The following PARD3B variants were observed in gnomAD, a reference collection of about 807,000 sequenced individuals.
The protein encoded by PARD3B is partitioning defective 3 homolog B.
In PARD3B, 103 loss-of-function variants were observed where a neutral mutation model predicts 130.2. That is an observed-to-expected ratio of 0.79 (90% CI 0.67 to 0.93). PARD3B has a LOEUF of 0.93. PARD3B is among the 40% of genes least tolerant of loss of function. The probability of loss-of-function intolerance (pLI) is 0.00; values close to 1 mark genes in which losing one functional copy is unlikely to be tolerated. For synonymous variants in PARD3B, 583 were observed against 553.2 expected, an observed-to-expected ratio of 1.05 and a Z score of -0.76; for missense variants, 1,609 against 1,499.2, an observed-to-expected ratio of 1.07 and a Z score of -1.21.
chr2:204,964,508 G>A (rs1203931359), intron 2 of PARD3B, among the ~76,000 whole-genome samples: 1 of 152,072 alleles, frequency 6.6e-6, no homozygotes, highest in East Asian at 1.9e-4. Flanking sequence ...GAGTCTTATT[G>A]GACTTAGCAT....
Position 205,121,691 on chromosome 2 carries a change from T to C in PARD3B, c.907T>C (p.Ser303Pro). The change falls in exon 8 of 23, where the codon TCT becomes CCT. Residue 303 changes from serine (S) to proline (P), a missense_variant. Physicochemically the swap from Ser to Pro is moderately conservative, Grantham distance 74. Transcript: ENST00000406610. The surrounding 1 kb of genome is among the most constrained non-coding windows in gnomAD (Gnocchi z 5.0). Reference sequence around the variant, plus strand: ...ACAGTATGAAAAGTCAGTCATTGGCTCTCTTAACATTTTTGGTAATAATGA... The same window carrying C: ...ACAGTATGAAAAGTCAGTCATTGGCCCTCTTAACATTTTTGGTAATAATGA... ...REQYEKSVIG[S>P]LNIFGNNDGV... is the part of the protein sequence containing the mutation. 2 of 1,614,138 alleles carry C rather than the reference T, an allele frequency of 1.2e-6. No individual in the cohort carries two copies. Among genetic ancestry groups the C allele is most frequent in the Non-Finnish European group, 1.7e-6 (2 of 1,180,032 alleles).
At chr2:205,372,286 A>G (rs1461971302) in intron 18 of PARD3B, among the ~76,000 whole-genome samples, 1 of 152,196 alleles carries the variant, frequency 6.6e-6, no homozygotes, top group African/African-American at 2.4e-5. Flanking sequence ...CAGGGTATGA[A>G]GGCTCTAATT....
At chr2:205,511,496 A>T (rs1246851987) in intron 21 of PARD3B, among the ~76,000 whole-genome samples, 1 of 152,166 alleles carries the variant, frequency 6.6e-6, no homozygotes, top group African/African-American at 2.4e-5. Context: ...CATGGTTAAA[A>T]CCCCAAATTC....
chr2:204,811,242 C>T (rs930882946), intron 2 of PARD3B, among the ~76,000 whole-genome samples: 15 of 151,930 alleles, frequency 9.9e-5, no homozygotes, highest in African/African-American at 3.6e-4. Flanking sequence ...TTAATTTTTT[C>T]ATGGAGTTCT....
At chr2:204,721,863 C>T (rs1006240722) in intron 2 of PARD3B, among the ~76,000 whole-genome samples, 5 of 152,008 alleles carry the variant, frequency 3.3e-5, no homozygotes, top group Non-Finnish European at 7.4e-5. Context: ...CATTTCTTGA[C>T]CACTTTTAAC....
intron 4 of PARD3B, among the ~76,000 whole-genome samples, chr2:205,082,018 G>T (rs776473030): frequency 1.5e-4 from 23 of 152,002 alleles, no homozygotes; most frequent in Non-Finnish European, 2.9e-4. Context: ...TTGTTTCAAG[G>T]TTTATAAATA....
chr2:204,648,160 A>G (rs1443019740), intron 1 of PARD3B, among the ~76,000 whole-genome samples: 1 of 151,704 alleles, frequency 6.6e-6, no homozygotes, highest in East Asian at 1.9e-4. Context: ...CAGTTTTGGA[A>G]TTACATTCAT....
chr2:205,195,140 T>G (rs1408250517), intron 15 of PARD3B, among the ~76,000 whole-genome samples: 1 of 152,112 alleles, frequency 6.6e-6, no homozygotes, highest in Admixed American at 6.6e-5. Context: ...TTTTTTGAGT[T>G]TTCTCTTCTA....
intron 1 of PARD3B, among the ~76,000 whole-genome samples, chr2:204,639,512 G>T (rs942207200): frequency 6.6e-6 from 1 of 152,184 alleles, no homozygotes; most frequent in Non-Finnish European, 1.5e-5. Context: ...ATGGATGGTT[G>T]TGTCTGTACT....
At chr2:205,559,345 C>T (rs1274040911) in intron 22 of PARD3B, among the ~76,000 whole-genome samples, 1 of 151,884 alleles carries the variant, frequency 6.6e-6, no homozygotes, top group Non-Finnish European at 1.5e-5. Context: ...AAGGTTTTGC[C>T]AAGTTGCCCA....
At chr2:205,207,400 A>G (rs1342300738) in intron 15 of PARD3B, among the ~76,000 whole-genome samples, 1 of 148,598 alleles carries the variant, frequency 6.7e-6, no homozygotes, top group African/African-American at 2.6e-5. Context: ...AGACACAAAA[A>G]ACCCTTCAAA....
At chr2:205,484,596 G>A (rs1263887191) in intron 20 of PARD3B, among the ~76,000 whole-genome samples, 2 of 152,094 alleles carry the variant, frequency 1.3e-5, no homozygotes, top group South Asian at 2.1e-4. Flanking sequence ...TCCTGTTTCT[G>A]CAGATAATTG....
chr2:205,121,363 G>C lies in PARD3B; in HGVS notation c.807-228G>C, dbSNP rs16836975. On this transcript the variant is annotated intron_variant, in intron 7 of 22. Transcript: ENST00000406610. This position sits in a 1 kb window ranked among gnomAD's most constrained non-coding sequence, Gnocchi z 5.0. ...CTTACCGAATGTGCTTTCTAAATTA[G>C]AGAAGGATGCATGCTAATAATGCAT... Among the ~76,000 whole-genome samples the C allele has an allele frequency of 4.1e-3, 629 of 152,266 alleles. 13 individuals carry two copies. The highest frequency in any genetic ancestry group is 0.017 in the East Asian group (88 of 5,176).
At chr2:205,302,759 TGGGTC>T (rs1159438753) in intron 18 of PARD3B, among the ~76,000 whole-genome samples, 1 of 152,132 alleles carries the variant, frequency 6.6e-6, no homozygotes, top group Non-Finnish European at 1.5e-5. Context: ...GAGATGTCAC[TGGGTC>T]TGGGCTCTGA....
At chr2:205,315,622 A>G (rs1010952987) in intron 18 of PARD3B, among the ~76,000 whole-genome samples, 49 of 152,124 alleles carry the variant, frequency 3.2e-4, no homozygotes, top group African/African-American at 1.1e-3. Context: ...TTGGCATTCA[A>G]TGCCCTCTAT....
chr2:205,236,323 T>C (rs1205395735), intron 15 of PARD3B, among the ~76,000 whole-genome samples: 1 of 152,118 alleles, frequency 6.6e-6, no homozygotes, highest in African/African-American at 2.4e-5. Flanking sequence ...GGAGTGAATA[T>C]TTCCCCAACT....
chr2:205,334,347 C>T (rs767421035), intron 18 of PARD3B, among the ~76,000 whole-genome samples: 1 of 152,132 alleles, frequency 6.6e-6, no homozygotes, highest in Non-Finnish European at 1.5e-5. Flanking sequence ...AAATAATAAT[C>T]CTGGCCATTT....
chr2:204,938,988 A>G (rs1406676000), intron 2 of PARD3B, among the ~76,000 whole-genome samples: 1 of 152,212 alleles, frequency 6.6e-6, no homozygotes, highest in Non-Finnish European at 1.5e-5. Context: ...CTCCAGGACT[A>G]TTCCATATTT....
intron 2 of PARD3B, among the ~76,000 whole-genome samples, chr2:204,920,919 T>C (rs780048199): frequency 4.6e-5 from 7 of 152,176 alleles, no homozygotes; most frequent in African/African-American, 1.2e-4. Context: ...TCAGTGTCAA[T>C]GATACAAGCC....
Sources: allele counts gnomAD v4.1 joint callset (sites outside exome capture counted in the v4.1 genomes callset), GRCh38; gene constraint gnomAD v4.1.1; non-coding constraint Gnocchi (gnomAD v3.1); transcripts MANE v1.5; gene names NCBI Gene and HGNC (gene_info 2026-07-23, HGNC 2026-07-21).